The following CRACR2A variants were observed in gnomAD, a reference collection of about 807,000 sequenced individuals.
CRACR2A encodes the protein calcium release activated channel regulator 2A.
CRACR2A carries 79 observed loss-of-function variants against 90.5 expected under a neutral mutation model. The ratio of observed to expected loss-of-function variants is 0.87; its 90% CI spans 0.73 to 1.05. The LOEUF is 1.05. CRACR2A is among the 50% of genes least tolerant of loss of function. The probability of loss-of-function intolerance (pLI) is 0.00; values close to 1 mark genes in which losing one functional copy is unlikely to be tolerated. For missense variants in CRACR2A, 823 were observed against 897.2 expected (o/e 0.92, Z 1.06); for synonymous variants, 338 against 356.7 (o/e 0.95, Z 0.59).
intron 3 of CRACR2A, among the ~76,000 whole-genome samples, chr12:3,699,519 C>T (rs1945800238): frequency 6.6e-6 from 1 of 152,150 alleles, no homozygotes; most frequent in Admixed American, 6.5e-5. Context: ...TAATCAACTA[C>T]TATTAAATAG....
chr12:3,641,434 C>G (rs1591648556), intron 13 of CRACR2A, among the ~76,000 whole-genome samples: 2 of 152,354 alleles, frequency 1.3e-5, no homozygotes, highest in South Asian at 2.1e-4. Context: ...CACACTCCCT[C>G]CCTCTCCCTT....
intron 14 of CRACR2A, among the ~76,000 whole-genome samples, chr12:3,636,720 A>T (rs1304687991): frequency 6.6e-6 from 1 of 152,110 alleles, no homozygotes; most frequent in Non-Finnish European, 1.5e-5. Context: ...GGGGATGTGG[A>T]AGGGCATGCA....
At chr12:3,646,353 G>A (rs1366496941) in intron 11 of CRACR2A, among the ~76,000 whole-genome samples, 1 of 152,204 alleles carries the variant, frequency 6.6e-6, no homozygotes, top group Non-Finnish European at 1.5e-5. Context: ...CTTTTGAAGG[G>A]CAAGGGAGGG....
intron 5 of CRACR2A, 106 bp from the exon 6 acceptor site, chr12:3,679,204 A>G: frequency 8.6e-7 from 1 of 1,157,802 alleles, no homozygotes; most frequent in Non-Finnish European, 1.2e-6. Context: ...GAGAGAAGGA[A>G]AGGGAAGGGA....
chr12:3,749,498 C>G (rs1565512996), intron 1 of CRACR2A, among the ~76,000 whole-genome samples: 1 of 152,180 alleles, frequency 6.6e-6, no homozygotes, highest in Non-Finnish European at 1.5e-5. Flanking sequence ...TTCCTCTTTT[C>G]CTTCTTCTCT....
intron 1 of CRACR2A, among the ~76,000 whole-genome samples, chr12:3,745,825 T>TG (rs1555123104): frequency 5.0e-5 from 5 of 100,486 alleles, no homozygotes; most frequent in Non-Finnish European, 9.8e-5. Context: ...TAAAATAAAA[T>TG]AAAGAAAGAA....
chr12:3,679,125 G>A (rs577606065), intron 5 of CRACR2A, 27 bp from the exon 6 acceptor site: 31 of 1,588,492 alleles, frequency 2.0e-5, no homozygotes, highest in South Asian at 1.8e-4. Flanking sequence ...ACAAGGATCC[G>A]AATTAGACCA....
chr12:3,702,868 AC>A (rs1468435311), intron 3 of CRACR2A, among the ~76,000 whole-genome samples: 2 of 152,208 alleles, frequency 1.3e-5, no homozygotes, highest in Non-Finnish European at 2.9e-5. Context: ...GAAGACAAAC[AC>A]TACCTGATTT....
chr12:3,733,970 C>CTTTTT (rs1555121368), intron 1 of CRACR2A, among the ~76,000 whole-genome samples: 7 of 55,608 alleles, frequency 1.3e-4, no homozygotes, highest in Non-Finnish European at 2.3e-4. Flanking sequence ...CACATTTTGC[C>CTTTTT]TTATTTTTTT....
At chr12:3,684,742 G>A (rs1218569966) in intron 4 of CRACR2A, among the ~76,000 whole-genome samples, 1 of 152,216 alleles carries the variant, frequency 6.6e-6, no homozygotes, top group Non-Finnish European at 1.5e-5. Context: ...ACTATTGTCT[G>A]TAAAAGATAT....
At chr12:3,621,478 C>G (rs1054428095) in intron 17 of CRACR2A, among the ~76,000 whole-genome samples, 1 of 147,980 alleles carries the variant, frequency 6.8e-6, no homozygotes, top group African/African-American at 2.5e-5. Context: ...ATGGTGAAAC[C>G]CTGTCTCTAC....
At chr12:3,677,909 C>T (rs1253365494) in intron 6 of CRACR2A, among the ~76,000 whole-genome samples, 1 of 152,180 alleles carries the variant, frequency 6.6e-6, no homozygotes, top group Non-Finnish European at 1.5e-5. Context: ...CACAGTCTAC[C>T]AAATTGTTTG....
In CRACR2A at chr12:3,711,814, G is replaced by C. The variant is rs1262665530; in HGVS notation, c.-37+1423C>G. On this transcript the variant is annotated intron_variant, in intron 3 of 19. Coordinates refer to ENST00000440314, the MANE Select transcript of CRACR2A (RefSeq NM_001144958.2). This position sits in a 1 kb window ranked among gnomAD's most constrained non-coding sequence, Gnocchi z 4.3. ...GCACTTGGTAACAAATTCAGTATTA[G>C]TTAGAGTTTAACATACAAGATGCTA... 6.6e-6 allele frequency among the ~76,000 whole-genome samples: 1 copy of C among 152,088 alleles called. No individual in the cohort carries two copies. Among genetic ancestry groups the C allele is most frequent in the Non-Finnish European group, 1.5e-5 (1 of 68,012 alleles).
chr12:3,749,841 GTT>G, intron 1 of CRACR2A, among the ~76,000 whole-genome samples: 1 of 140,590 alleles, frequency 7.1e-6, no homozygotes, highest in East Asian at 2.1e-4. Context: ...GTGTGTGTGT[GTT>G]GTGTTGGTAG....
chr12:3,665,008 AAAAC>A (rs1250066634), intron 7 of CRACR2A, among the ~76,000 whole-genome samples: 10 of 152,390 alleles, frequency 6.6e-5, no homozygotes, highest in East Asian at 1.9e-4. Context: ...CTCCGTCTCA[AAAAC>A]AAACAAACAC....
intron 7 of CRACR2A, among the ~76,000 whole-genome samples, chr12:3,668,939 C>T (rs1190850247): frequency 1.3e-5 from 2 of 152,216 alleles, no homozygotes; most frequent in African/African-American, 2.4e-5. Flanking sequence ...AGGACTGCTG[C>T]TAAGCTTGTC....
At chr12:3,635,412 C>T (rs1389062808) in intron 14 of CRACR2A, among the ~76,000 whole-genome samples, 1 of 152,114 alleles carries the variant, frequency 6.6e-6, no homozygotes, top group African/African-American at 2.4e-5. Context: ...AAAATGTATG[C>T]TAATTTTTAA....
intron 6 of CRACR2A, among the ~76,000 whole-genome samples, chr12:3,675,587 C>T (rs12367201): frequency 0.037 from 5,710 of 152,316 alleles, 162 homozygotes; most frequent in Middle Eastern, 0.058. Flanking sequence ...ATTATGACTA[C>T]ATAAATAATA....
At chr12:3,632,682 C>G (rs1017458758) in intron 15 of CRACR2A, among the ~76,000 whole-genome samples, 2 of 152,220 alleles carry the variant, frequency 1.3e-5, no homozygotes, top group Admixed American at 6.5e-5. Context: ...CCTCTAACCT[C>G]TCTGGACCTC....
Sources: allele counts gnomAD v4.1 joint callset (sites outside exome capture counted in the v4.1 genomes callset), GRCh38; gene constraint gnomAD v4.1.1; non-coding constraint Gnocchi (gnomAD v3.1); transcripts MANE v1.5; gene names NCBI Gene and HGNC (gene_info 2026-07-23, HGNC 2026-07-21).